MALRD1: variants seen among roughly 807,000 people sequenced by gnomAD.
MALRD1 encodes MAM and LDL receptor class A domain containing 1, also known as MAM and LDL-receptor class A domain-containing protein 1.
Under a neutral mutation model 242.1 loss-of-function variants are expected in MALRD1, and 247 were observed. The ratio of observed to expected loss-of-function variants is 1.02; its 90% CI spans 0.92 to 1.13. MALRD1 has a LOEUF of 1.13. Among genes scored for constraint, MALRD1 ranks in the 50% most tolerant of loss-of-function variants. The probability of loss-of-function intolerance (pLI) is 0.00; values close to 1 mark genes in which losing one functional copy is unlikely to be tolerated. For synonymous variants in MALRD1, 995 were observed against 866.6 expected (o/e 1.15, Z -2.60); for missense variants, 2,989 against 2,533.1 (o/e 1.18, Z -3.86).
intron 28 of MALRD1, among the ~76,000 whole-genome samples, chr10:19,431,113 A>G: frequency 6.6e-6 from 1 of 152,268 alleles, no homozygotes; most frequent in Non-Finnish European, 1.5e-5. Context: ...TCACGTATGT[A>G]TTAAGCCCAT....
intron 13 of MALRD1, among the ~76,000 whole-genome samples, chr10:19,173,746 T>C (rs1835106606): frequency 6.6e-6 from 1 of 152,228 alleles, no homozygotes; most frequent in Non-Finnish European, 1.5e-5. Flanking sequence ...GGAGGCTTAC[T>C]ATTACTTCTC....
At chr10:19,669,408 G>A (rs1380378309) in intron 36 of MALRD1, among the ~76,000 whole-genome samples, 3 of 152,156 alleles carry the variant, frequency 2.0e-5, no homozygotes, top group African/African-American at 4.8e-5. Flanking sequence ...CTGGGATCTG[G>A]GACCCAGGGC....
At chr10:19,155,206 C>T in intron 12 of MALRD1, 34 bp downstream of exon 12, 1 of 1,170,394 alleles carries the variant, frequency 8.5e-7, no homozygotes, top group Non-Finnish European at 1.1e-6. Flanking sequence ...ACTGGCCATT[C>T]TGCGGTTGTA....
intron 38 of MALRD1, among the ~76,000 whole-genome samples, chr10:19,723,864 T>C (rs1372526849): frequency 6.6e-6 from 1 of 151,522 alleles, no homozygotes. Flanking sequence ...TAGTAGAAAC[T>C]AGGTGTTTGG....
At chr10:19,275,717 A>T (rs1840486006) in intron 19 of MALRD1, among the ~76,000 whole-genome samples, 1 of 152,118 alleles carries the variant, frequency 6.6e-6, no homozygotes, top group Admixed American at 6.5e-5. Context: ...GAAATCAGTA[A>T]ATCCTAGGTA....
At chr10:19,660,068 G>T (rs1841357377) in intron 36 of MALRD1, among the ~76,000 whole-genome samples, 3 of 152,246 alleles carry the variant, frequency 2.0e-5, no homozygotes, top group African/African-American at 4.8e-5. Flanking sequence ...CTCTCTGGGG[G>T]TTTATTCCAC....
chr10:19,700,021 GACACACACACACACACACAC>G (rs58040272), intron 38 of MALRD1, among the ~76,000 whole-genome samples: 1 of 141,272 alleles, frequency 7.1e-6, no homozygotes, highest in Non-Finnish European at 1.6e-5. Flanking sequence ...AATTGATTTA[GACACACACACACACACACAC>G]ACACACACAC....
chr10:19,661,330 G>A (rs1192031980), intron 36 of MALRD1, among the ~76,000 whole-genome samples: 3 of 152,164 alleles, frequency 2.0e-5, no homozygotes, highest in African/African-American at 7.2e-5. Flanking sequence ...AAAGACACAT[G>A]CACACGTATG....
chr10:19,480,369 C>T (rs1240992247), intron 29 of MALRD1, among the ~76,000 whole-genome samples: 1 of 152,110 alleles, frequency 6.6e-6, no homozygotes, highest in African/African-American at 2.4e-5. Flanking sequence ...TCAAGTGGGA[C>T]TACCAAGGAA....
At chr10:19,696,484 A>C (rs1390976653) in intron 38 of MALRD1, among the ~76,000 whole-genome samples, 1 of 152,162 alleles carries the variant, frequency 6.6e-6, no homozygotes. Flanking sequence ...CCGCCTGATG[A>C]ATTCTCTTCA....
chr10:19,290,743 A>T (rs1443769816), intron 21 of MALRD1, among the ~76,000 whole-genome samples: 3 of 152,194 alleles, frequency 2.0e-5, no homozygotes, highest in East Asian at 3.8e-4. Context: ...GAAATTTTTT[A>T]AAAAATTATT....
chr10:19,667,089 C>T (rs1024132454), intron 36 of MALRD1, among the ~76,000 whole-genome samples: 16 of 152,278 alleles, frequency 1.1e-4, no homozygotes, highest in African/African-American at 3.4e-4. Flanking sequence ...ACTCCAGCTG[C>T]ACCCCAGAAG....
In MALRD1 at chr10:19,626,899, ATAAAACT is replaced by A. The variant is rs1839679511; in HGVS notation, c.6137+10981_6137+10987del. On this transcript the variant is annotated intron_variant, in intron 36 of 39. Coordinates refer to ENST00000454679, the MANE Select transcript of MALRD1 (RefSeq NM_001142308.3). ...TTTTAATGTTCAGTTGGAAAAATAA[ATAAAACT>A]TAAAGCCAAAATTATGAAATGGTAT... Among the ~76,000 whole-genome samples the A allele has an allele frequency of 2.0e-5, 3 of 152,154 alleles. 1 individual carries two copies. In the South Asian group the frequency reaches 6.2e-4, roughly 31 times the overall value.
chr10:19,700,765 C>G (rs1175672252), intron 38 of MALRD1, among the ~76,000 whole-genome samples: 3 of 152,012 alleles, frequency 2.0e-5, no homozygotes, highest in Non-Finnish European at 4.4e-5. Flanking sequence ...AATTATCACC[C>G]AAGACTTTTG....
Position 19,205,190 on chromosome 10 carries a change from A to G in MALRD1, c.2503A>G (p.Arg835Gly), listed in dbSNP as rs1262620290. Reference protein sequence around the residue: ...GLDHFWCRHTRACIEKLRLCD... With the variant: ...GLDHFWCRHTGACIEKLRLCD... Reference sequence around the variant, plus strand: ...GGATCATTTCTGGTGTCGCCACACCAGGGCTTGCATAGAAAAGCTTCGGTT... The same window carrying G: ...GGATCATTTCTGGTGTCGCCACACCGGGGCTTGCATAGAAAAGCTTCGGTT... Residue 835 changes from arginine (R) to glycine (G), a missense_variant, in exon 17 of 40, where the codon AGG (arginine) becomes GGG (glycine). Transcript: ENST00000454679. 6.4e-7 allele frequency: 1 copy of G among 1,551,042 alleles called. No homozygotes were observed. Among genetic ancestry groups the G allele is most frequent in the Non-Finnish European group, 8.7e-7 (1 of 1,147,076 alleles).
At chr10:19,372,964 A>G (rs550281138) in intron 26 of MALRD1, among the ~76,000 whole-genome samples, 8 of 152,136 alleles carry the variant, frequency 5.3e-5, no homozygotes, top group Middle Eastern at 6.8e-3. Context: ...TATTCCTCAT[A>G]AATAATCTTT....
intron 18 of MALRD1, among the ~76,000 whole-genome samples, chr10:19,218,941 A>G (rs1046381613): frequency 7.9e-5 from 12 of 152,156 alleles, no homozygotes; most frequent in African/African-American, 2.9e-4. Flanking sequence ...CTCTGAATAA[A>G]CCATTTTTCT....
chr10:19,578,529 T>C (rs1836942240), intron 33 of MALRD1, among the ~76,000 whole-genome samples: 1 of 152,078 alleles, frequency 6.6e-6, no homozygotes. Flanking sequence ...CCGTCTCTAC[T>C]AAAAATACAA....
chr10:19,434,867 T>G (rs1216247798), intron 28 of MALRD1, among the ~76,000 whole-genome samples: 1 of 151,838 alleles, frequency 6.6e-6, no homozygotes, highest in African/African-American at 2.4e-5. Flanking sequence ...TATTTATTAT[T>G]TGCATGGTCT....
Sources: allele counts gnomAD v4.1 joint callset (sites outside exome capture counted in the v4.1 genomes callset), GRCh38; gene constraint gnomAD v4.1.1; transcripts MANE v1.5; gene names NCBI Gene and HGNC (gene_info 2026-07-23, HGNC 2026-07-21).